The following ANAPC10 variants were observed in gnomAD, a reference collection of about 807,000 sequenced individuals.
The protein encoded by ANAPC10 is anaphase promoting complex subunit 10.
Under a neutral mutation model 22.0 loss-of-function variants are expected in ANAPC10, and 12 were observed. The observed-to-expected ratio is 0.55, with a 90% CI of 0.35 to 0.88. ANAPC10 has a LOEUF of 0.88. Ranked by LOEUF, ANAPC10 falls within the 40% of genes least tolerant of loss-of-function variation. ANAPC10 has a pLI of 0.01. For synonymous variants in ANAPC10, 65 were observed against 69.5 expected (o/e 0.94, Z 0.32); for missense variants, 188 against 220.9 (o/e 0.85, Z 0.94).
chr4:145,073,330 G>A (rs1033804093), intron 3 of ANAPC10, among the ~76,000 whole-genome samples: 6 of 152,306 alleles, frequency 3.9e-5, no homozygotes, highest in African/African-American at 1.4e-4. Context: ...TGAAACTGTA[G>A]TGCTACCAGG....
intron 4 of ANAPC10, among the ~76,000 whole-genome samples, chr4:145,061,042 T>C (rs1465533948): frequency 1.3e-5 from 2 of 152,118 alleles, no homozygotes; most frequent in South Asian, 2.1e-4. Flanking sequence ...GTGAGAACTA[T>C]GGCAGAAAAG....
At chr4:145,039,652 T>A (rs149696447) in intron 4 of ANAPC10, among the ~76,000 whole-genome samples, 177 of 152,250 alleles carry the variant, frequency 1.2e-3, no homozygotes, top group African/African-American at 3.9e-3. Context: ...TGGAGTGCAG[T>A]GGCTAGATCT....
chr4:145,018,672 A>G (rs957863548), intron 4 of ANAPC10, among the ~76,000 whole-genome samples: 5 of 151,876 alleles, frequency 3.3e-5, no homozygotes, highest in Non-Finnish European at 5.9e-5. Context: ...AAAAAATTTC[A>G]CCAACCAATT....
intron 2 of ANAPC10, among the ~76,000 whole-genome samples, chr4:145,090,237 C>A (rs1056322689): frequency 2.0e-5 from 3 of 152,068 alleles, no homozygotes; most frequent in Admixed American, 1.3e-4. Context: ...ACTTATAATA[C>A]CTAATATAAT....
In ANAPC10 at chr4:144,995,336, C is replaced by T. The variant is rs199651500; in HGVS notation, c.*37G>A. ...TATATTATTTAAATACAGGATAAAA[C>T]AAAGATACGTTTAATGATTTTCGTC... On this transcript the variant is annotated 3_prime_UTR_variant, in exon 5 of 5. Coordinates refer to ENST00000507656, the MANE Select transcript of ANAPC10 (RefSeq NM_001256706.2). 6.6e-5 allele frequency: 91 copies of T among 1,370,488 alleles called. No individual in the cohort carries two copies. In the East Asian group the frequency reaches 1.7e-3, roughly 26 times the overall value. 84.9% of individuals were successfully genotyped at this position (1,370,488 alleles called of 1,614,324 possible). A position where few individuals can be genotyped will look rare whatever the true frequency, so the allele number is the denominator to read the frequency against.
intron 4 of ANAPC10, among the ~76,000 whole-genome samples, chr4:145,060,091 T>C (rs1038142745): frequency 3.3e-5 from 5 of 152,082 alleles, no homozygotes; most frequent in African/African-American, 1.2e-4. Context: ...TATATAGAAA[T>C]AGTCTCTTGT....
chr4:145,011,676 A>G (rs1734337445), intron 4 of ANAPC10, among the ~76,000 whole-genome samples: 1 of 152,138 alleles, frequency 6.6e-6, no homozygotes, highest in African/African-American at 2.4e-5. Flanking sequence ...AAACATGCAG[A>G]GCTATTACTA....
chr4:145,078,452 G>A (rs767741375), intron 3 of ANAPC10, among the ~76,000 whole-genome samples: 7 of 152,032 alleles, frequency 4.6e-5, no homozygotes, highest in Non-Finnish European at 7.4e-5. Flanking sequence ...GGTCATAACT[G>A]CCCAAAGCAA....
rs1731385836 is a variant in ANAPC10, at chr4:144,994,859, C to G, written c.*514G>C. On this transcript the variant is annotated 3_prime_UTR_variant, in exon 5 of 5. Transcript: ENST00000507656. The stretch of plus-strand genomic sequence containing the variant: ...ATTAGATTGGTTCTCATCAGACAAC[C>G]TAACACTAAGCTTATTTGACACTGT... The G allele has an allele frequency of 6.5e-6, 1 of 153,166 alleles. No individual in the cohort carries two copies. 9.5% of individuals were successfully genotyped at this position (153,166 alleles called of 1,614,324 possible). A position where few individuals can be genotyped will look rare whatever the true frequency, so the allele number is the denominator to read the frequency against.
At chr4:145,009,125 C>G (rs1005021551) in intron 4 of ANAPC10, among the ~76,000 whole-genome samples, 3 of 152,080 alleles carry the variant, frequency 2.0e-5, no homozygotes, top group African/African-American at 7.3e-5. Flanking sequence ...ATACAACTTA[C>G]AAGGGATGTG....
chr4:145,053,978 A>AAG (rs1741518980), intron 4 of ANAPC10, among the ~76,000 whole-genome samples: 1 of 151,458 alleles, frequency 6.6e-6, no homozygotes, highest in African/African-American at 2.4e-5. Context: ...GTGCAATCTC[A>AAG]GCTCGCTGCA....
intron 4 of ANAPC10, among the ~76,000 whole-genome samples, chr4:145,007,568 T>G (rs985354605): frequency 7.2e-5 from 11 of 152,282 alleles, no homozygotes; most frequent in African/African-American, 2.6e-4. Context: ...AACCTGCTCC[T>G]GAATGACTAC....
At chr4:145,023,989 T>C (rs1736308950) in intron 4 of ANAPC10, among the ~76,000 whole-genome samples, 1 of 152,212 alleles carries the variant, frequency 6.6e-6, no homozygotes, top group Non-Finnish European at 1.5e-5. Context: ...TAAGTTGATG[T>C]AATATTCTAA....
At chr4:145,059,597 ACTTAAC>A (rs1297635637) in intron 4 of ANAPC10, among the ~76,000 whole-genome samples, 1 of 152,158 alleles carries the variant, frequency 6.6e-6, no homozygotes, top group African/African-American at 2.4e-5. Flanking sequence ...GAAAGTGTCT[ACTTAAC>A]CTTAACAAGT....
chr4:145,075,437 C>A (rs1056289815), intron 3 of ANAPC10, among the ~76,000 whole-genome samples: 15 of 151,738 alleles, frequency 9.9e-5, no homozygotes, highest in African/African-American at 3.6e-4. Context: ...TTGATCAGAG[C>A]CAAGATGGCC....
chr4:145,039,611 T>C (rs910890919), intron 4 of ANAPC10, among the ~76,000 whole-genome samples: 1 of 152,118 alleles, frequency 6.6e-6, no homozygotes, highest in African/African-American at 2.4e-5. Flanking sequence ...TTTTTTTTTG[T>C]TTGAAACACA....
At chr4:145,032,644 T>C (rs776432282) in intron 4 of ANAPC10, among the ~76,000 whole-genome samples, 1 of 152,188 alleles carries the variant, frequency 6.6e-6, no homozygotes, top group Non-Finnish European at 1.5e-5. Flanking sequence ...GTAGCAGGAA[T>C]GGAGGTTACA....
intron 4 of ANAPC10, among the ~76,000 whole-genome samples, chr4:145,004,694 C>T (rs1033332832): frequency 6.6e-6 from 1 of 152,128 alleles, no homozygotes; most frequent in African/African-American, 2.4e-5. Context: ...AGGGATGAAG[C>T]CCACTTGATG....
intron 4 of ANAPC10, among the ~76,000 whole-genome samples, chr4:145,027,842 A>T (rs1736984919): frequency 6.6e-6 from 1 of 152,162 alleles, no homozygotes; most frequent in African/African-American, 2.4e-5. Flanking sequence ...CATGTGGAGG[A>T]TGTAGTCCAC....
Sources: allele counts gnomAD v4.1 joint callset (sites outside exome capture counted in the v4.1 genomes callset), GRCh38; gene constraint gnomAD v4.1.1; transcripts MANE v1.5; gene names NCBI Gene and HGNC (gene_info 2026-07-23, HGNC 2026-07-21).